FILIP1L: variants seen among roughly 807,000 people sequenced by gnomAD.
FILIP1L encodes filamin A-interacting protein 1-like.
A neutral mutation model predicts 96.6 loss-of-function variants in FILIP1L; 55 were observed. The ratio of observed to expected loss-of-function variants is 0.57; its 90% CI spans 0.46 to 0.71. The LOEUF is 0.71. FILIP1L is among the 30% of genes least tolerant of loss of function. FILIP1L has a pLI of 0.00. For missense variants in FILIP1L, 1,304 were observed against 1,321.2 expected (o/e 0.99, Z 0.20); for synonymous variants, 467 against 473.9 (o/e 0.99, Z 0.19).
At chr3:100,080,239 T>TC (rs2065910576) in intron 1 of FILIP1L, among the ~76,000 whole-genome samples, 1 of 152,134 alleles carries the variant, frequency 6.6e-6, no homozygotes, top group African/African-American at 2.4e-5. Flanking sequence ...TGCCTTGGCC[T>TC]CCCAAAGTAT....
At chr3:100,038,874 T>C in intron 1 of FILIP1L, among the ~76,000 whole-genome samples, 2 of 152,072 alleles carry the variant, frequency 1.3e-5, no homozygotes, top group Non-Finnish European at 2.9e-5. Context: ...ACAGAACATA[T>C]TGTCTATATC....
chr3:99,963,139 C>A (rs1444342820), intron 1 of FILIP1L, among the ~76,000 whole-genome samples: 1 of 152,150 alleles, frequency 6.6e-6, no homozygotes, highest in Non-Finnish European at 1.5e-5. Flanking sequence ...TAACAGTGCA[C>A]CAGAGAAAGT....
chr3:99,958,252 T>TTA (rs1418371383), intron 1 of FILIP1L, among the ~76,000 whole-genome samples: 2 of 140,654 alleles, frequency 1.4e-5, no homozygotes, highest in African/African-American at 5.3e-5. Context: ...TATTATTATT[T>TTA]GAAGGTAACA....
At chr3:99,890,823 C>G (rs1233225741) in intron 4 of FILIP1L, among the ~76,000 whole-genome samples, 1 of 151,640 alleles carries the variant, frequency 6.6e-6, no homozygotes, top group Admixed American at 6.6e-5. Context: ...CATTTAATGT[C>G]ACTGGCTTTC....
chr3:99,978,396 A>G (rs556689677), intron 1 of FILIP1L, among the ~76,000 whole-genome samples: 2 of 152,360 alleles, frequency 1.3e-5, no homozygotes, highest in South Asian at 2.1e-4. Context: ...GTGTTCATCA[A>G]TAGATGAATG....
intron 1 of FILIP1L, among the ~76,000 whole-genome samples, chr3:100,001,828 G>A (rs921710921): frequency 1.3e-4 from 20 of 152,216 alleles, no homozygotes; most frequent in African/African-American, 2.4e-5. Flanking sequence ...AGGGATGGGT[G>A]TCTTGTTGAA....
intron 1 of FILIP1L, among the ~76,000 whole-genome samples, chr3:99,968,429 G>GAAAA (rs1201793323): frequency 6.7e-6 from 1 of 148,540 alleles, no homozygotes; most frequent in African/African-American, 2.5e-5. Context: ...GTTTTTGGGG[G>GAAAA]AAAAAAAAAA....
chr3:99,953,422 G>T (rs1384607143), intron 1 of FILIP1L, among the ~76,000 whole-genome samples: 2 of 152,132 alleles, frequency 1.3e-5, no homozygotes, highest in East Asian at 3.8e-4. Context: ...GGTTCTGAGG[G>T]TGCAGTTTGA....
At chr3:99,856,378 C>T (rs115243400) in intron 4 of FILIP1L, among the ~76,000 whole-genome samples, 2,399 of 152,250 alleles carry the variant, frequency 0.016, 58 homozygotes, top group African/African-American at 0.054. Flanking sequence ...TCTTTATGTA[C>T]CCTCAGGGGT....
intron 1 of FILIP1L, among the ~76,000 whole-genome samples, chr3:100,067,551 A>G (rs928283192): frequency 1.3e-5 from 2 of 152,208 alleles, no homozygotes; most frequent in African/African-American, 2.4e-5. Flanking sequence ...AATCATCTGA[A>G]TTTTGCAGAT....
At chr3:99,870,306 A>G (rs2107579762) in intron 4 of FILIP1L, among the ~76,000 whole-genome samples, 1 of 152,338 alleles carries the variant, frequency 6.6e-6, no homozygotes, top group Non-Finnish European at 1.5e-5. Context: ...CCGTTGAGAC[A>G]CTAACATTTA....
chr3:100,099,521 G>A (rs1267560999), intron 1 of FILIP1L, among the ~76,000 whole-genome samples: 1 of 152,132 alleles, frequency 6.6e-6, no homozygotes, highest in Admixed American at 6.6e-5. Flanking sequence ...AAAAGTATTT[G>A]TATCGGTCTA....
chr3:99,881,274 C>G (rs960669751), intron 4 of FILIP1L, among the ~76,000 whole-genome samples: 1 of 152,170 alleles, frequency 6.6e-6, no homozygotes, highest in Non-Finnish European at 1.5e-5. Context: ...AAGTCTGTTA[C>G]TTAGGTCCAG....
intron 1 of FILIP1L, among the ~76,000 whole-genome samples, chr3:100,006,516 A>G (rs1709990961): frequency 6.6e-6 from 1 of 152,096 alleles, no homozygotes; most frequent in African/African-American, 2.4e-5. Flanking sequence ...CCTTTTAAAA[A>G]AAGTATTTTT....
intron 1 of FILIP1L, among the ~76,000 whole-genome samples, chr3:100,017,229 A>G (rs1228915381): frequency 6.6e-6 from 1 of 152,214 alleles, no homozygotes; most frequent in Non-Finnish European, 1.5e-5. Context: ...AGTGCTGGAG[A>G]AAAGTCCCAT....
chr3:100,064,378 A>T (rs1289794657), intron 1 of FILIP1L, among the ~76,000 whole-genome samples: 1 of 150,372 alleles, frequency 6.7e-6, no homozygotes, highest in Non-Finnish European at 1.5e-5. Flanking sequence ...TTTCCAGCTA[A>T]TCCTGACCCC....
chr3:99,972,433 T>C (rs979102223), intron 1 of FILIP1L, among the ~76,000 whole-genome samples: 16 of 152,318 alleles, frequency 1.1e-4, no homozygotes, highest in Non-Finnish European at 2.1e-4. Flanking sequence ...ATCGGAAACG[T>C]CCCCGTCCCC....
At chr3:99,987,237 A>G (rs909044765) in intron 1 of FILIP1L, among the ~76,000 whole-genome samples, 28 of 125,108 alleles carry the variant, frequency 2.2e-4, no homozygotes, top group African/African-American at 6.8e-4. Context: ...TCTTAAGGGG[A>G]AAAAAAAAAG....
chr3:99,863,903 A>G (rs543809991), intron 4 of FILIP1L, among the ~76,000 whole-genome samples: 4 of 152,336 alleles, frequency 2.6e-5, no homozygotes, highest in Admixed American at 1.3e-4. Flanking sequence ...ACTGTTCCTC[A>G]GCATCTTGTT....
Sources: gnomAD v4.1 joint callset for allele counts (sites outside exome capture counted in the v4.1 genomes callset) on GRCh38, gnomAD v4.1.1 for gene constraint, MANE v1.5 for transcripts, NCBI Gene and HGNC (gene_info 2026-07-23, HGNC 2026-07-21) for gene names.